Variants in CD99 observed in about 807,000 individuals in gnomAD.
CD99 encodes the protein CD99 antigen.
CD99 carries 19 observed loss-of-function variants against 28.4 expected under a neutral mutation model. That is an observed-to-expected ratio of 0.67 (90% CI 0.47 to 0.98). The LOEUF (loss-of-function observed/expected upper bound fraction) is 0.98, where lower values mean the gene tolerates loss of function less well. CD99 is among the 50% of genes least tolerant of loss of function. The pLI, the probability that CD99 is intolerant of heterozygous loss-of-function variation, is 0.00. For synonymous variants in CD99, 103 were observed against 92.1 expected, an observed-to-expected ratio of 1.12 and a Z score of -0.67; for missense variants, 283 against 248.8, an observed-to-expected ratio of 1.14 and a Z score of -0.92.
At chrX:2,740,187 G>C (rs747756625) in intron 9 of CD99, among the ~76,000 whole-genome samples, 4 of 152,252 alleles carry the variant, frequency 2.6e-5, no homozygotes, top group Admixed American at 2.6e-4. Context: ...ATATCTTAAA[G>C]AGAAAAGGAA....
At chrX:2,726,910 G>A (rs1383188638) in intron 8 of CD99, among the ~76,000 whole-genome samples, 25 of 152,118 alleles carry the variant, frequency 1.6e-4, no homozygotes, top group Non-Finnish European at 3.2e-4. Context: ...CGAGACGGGC[G>A]GATCACGAGG....
chrX:2,691,397 G>A lies in CD99; in HGVS notation c.37G>A (p.Gly13Ser), dbSNP rs1317575078. The change falls in exon 1 of 10, where the codon GGC (glycine) becomes AGC (serine). Residue 13 changes from glycine (G) to serine (S), a missense_variant. Physicochemically the swap from Gly to Ser is moderately conservative, Grantham distance 56 (BLOSUM62 0). Transcript: ENST00000381192. ...RGAALALLLF[G>S]LLGVLVAAPD... The stretch of plus-strand genomic sequence containing the variant: ...GGCTGCGCTGGCGCTGCTGCTCTTC[G>A]GCCTGCTGGGTGTTCTGGTCGCCGC... 1.9e-6 allele frequency: 3 copies of A among 1,584,264 alleles called. No individual in the cohort carries two copies. Among genetic ancestry groups the A allele is most frequent in the Admixed American group, 1.7e-5 (1 of 58,834 alleles).
Position 2,726,277 on chromosome X carries a change from A to AT in CD99, c.380dup (p.Gly129ArgfsTer16). On this transcript the variant is annotated frameshift_variant, in exon 8 of 10. Coordinates refer to ENST00000381192, the MANE Select transcript of CD99 (RefSeq NM_002414.5). LOFTEE classifies it high-confidence loss of function. ...TCCTGCAGCCGACGCCCCAGGCGTG[A>AT]TCCCCGGGATTGTGGGGGCTGTCGT... is the stretch of plus-strand genomic sequence containing the variant. 6.2e-7 allele frequency: 1 copy of AT among 1,610,892 alleles called. No individual in the cohort carries two copies. The highest frequency in any genetic ancestry group is 8.5e-7 in the Non-Finnish European group (1 of 1,178,788).
At chrX:2,739,046 A>G (rs1268959260) in intron 9 of CD99, among the ~76,000 whole-genome samples, 5 of 151,466 alleles carry the variant, frequency 3.3e-5, no homozygotes, top group Non-Finnish European at 7.4e-5. Context: ...TTTTGTAGAG[A>G]CAAGGTCTCA....
chrX:2,723,425 G>C (rs1395977257), intron 7 of CD99, 61 bp downstream of exon 7: 8 of 1,578,162 alleles, frequency 5.1e-6, no homozygotes, highest in Non-Finnish European at 7.0e-6. Context: ...AGGGGAAGCA[G>C]AATGTCTGAG....
chrX:2,704,812 G>A (rs184811247), intron 1 of CD99, among the ~76,000 whole-genome samples: 36 of 151,542 alleles, frequency 2.4e-4, no homozygotes, highest in Non-Finnish European at 4.3e-4. Flanking sequence ...CTCCACAAGC[G>A]CAGGCCATCC....
At chrX:2,695,175 A>T (rs1217892852) in intron 1 of CD99, among the ~76,000 whole-genome samples, 1 of 151,770 alleles carries the variant, frequency 6.6e-6, no homozygotes, top group Non-Finnish European at 1.5e-5. Flanking sequence ...GTAAGAAATA[A>T]GACCTGTGTG....
chrX:2,722,739 A>G lies in CD99; in HGVS notation c.310+65A>G, dbSNP rs115735910. The G allele has an allele frequency of 4.4e-3, 6,413 of 1,442,588 alleles. 226 individuals are homozygous for G. The African/African-American group carries it at 0.078, about 17-fold the overall frequency. 89.4% of individuals were successfully genotyped at this position (1,442,588 alleles called of 1,614,324 possible). A position where few individuals can be genotyped will look rare whatever the true frequency, so the allele number is the denominator to read the frequency against. On this transcript the variant is annotated intron_variant, in intron 6 of 9. Coordinates refer to ENST00000381192, the MANE Select transcript of CD99 (RefSeq NM_002414.5). ...CCCATGATGCCCACCTGCTCTGTAG[A>G]ATCACTACAGGGTCTAAACTGTCAG...
Position 2,741,006 on chromosome X carries a change from G to T in CD99, c.*202G>T. On this transcript the variant is annotated 3_prime_UTR_variant, in exon 10 of 10. Coordinates refer to ENST00000381192, the MANE Select transcript of CD99 (RefSeq NM_002414.5). ...ACGATGAATTTTACATCCAAAGGGG[G>T]ATAGGCACTTGGACCCCCATTCTCC... The T allele has an allele frequency of 1.5e-6, 1 of 647,992 alleles. No homozygotes were observed. The highest frequency in any genetic ancestry group is 2.7e-6 in the Non-Finnish European group (1 of 364,432). The allele number at this position is 647,992 out of a possible 1,614,324, so 40.1% of individuals were successfully genotyped here. A position where few individuals can be genotyped will look rare whatever the true frequency, so the allele number is the denominator to read the frequency against.
chrX:2,731,275 G>A (rs1438538880), intron 8 of CD99, among the ~76,000 whole-genome samples: 1 of 152,176 alleles, frequency 6.6e-6, no homozygotes, highest in Non-Finnish European at 1.5e-5. Flanking sequence ...AAGGATGTGA[G>A]TATAGCATGC....
chrX:2,706,717 T>TA (rs2048134113), intron 1 of CD99, among the ~76,000 whole-genome samples: 1 of 152,168 alleles, frequency 6.6e-6, no homozygotes, highest in African/African-American at 2.4e-5. Flanking sequence ...GAGCACTGCT[T>TA]AAATGATGTC....
intron 1 of CD99, among the ~76,000 whole-genome samples, chrX:2,703,162 C>T (rs1603264131): frequency 6.6e-6 from 1 of 152,154 alleles, no homozygotes; most frequent in African/African-American, 2.4e-5. Context: ...CTCGGGCCAG[C>T]GCGTACTGTC....
intron 3 of CD99, chrX:2,717,874 G>A: frequency 1.7e-6 from 1 of 577,544 alleles, no homozygotes; most frequent in Non-Finnish European, 3.1e-6. Flanking sequence ...GGGCCATTTG[G>A]ACAACATCTC....
intron 7 of CD99, 140 bp downstream of exon 7, chrX:2,723,504 G>C: frequency 1.1e-6 from 1 of 917,972 alleles, no homozygotes. Context: ...TCTGTGCCAA[G>C]TGCTCCCAAG....
At chrX:2,734,916 G>A (rs750757759) in intron 8 of CD99, among the ~76,000 whole-genome samples, 2 of 151,800 alleles carry the variant, frequency 1.3e-5, no homozygotes, top group Admixed American at 1.3e-4. Flanking sequence ...GAGCACGGAT[G>A]GTTTGATCCT....
intron 1 of CD99, among the ~76,000 whole-genome samples, chrX:2,696,584 G>A (rs2047587070): frequency 6.6e-6 from 1 of 151,992 alleles, no homozygotes; most frequent in Non-Finnish European, 1.5e-5. Flanking sequence ...TATTTTTTTA[G>A]TAGAGGTGGA....
Position 2,691,400 on chromosome X carries a change from C to G in CD99, c.40C>G (p.Leu14Val). The change falls in exon 1 of 10, where the codon CTG becomes GTG. Residue 14 changes from leucine (L) to valine (V), a missense_variant. Transcript: ENST00000381192. The stretch of plus-strand genomic sequence containing the variant: ...TGCGCTGGCGCTGCTGCTCTTCGGC[C>G]TGCTGGGTGTTCTGGTCGCCGCCCC... ...GAALALLLFGLLGVLVAAPDG... is the reference protein window; with the variant it reads ...GAALALLLFGVLGVLVAAPDG... 2.5e-6 allele frequency: 4 copies of G among 1,585,222 alleles called. No homozygotes were observed. Among genetic ancestry groups the G allele is most frequent in the East Asian group, 2.3e-5 (1 of 43,946 alleles).
chrX:2,727,580 G>A (rs1170132806), intron 8 of CD99, among the ~76,000 whole-genome samples: 3 of 152,152 alleles, frequency 2.0e-5, no homozygotes, highest in East Asian at 1.9e-4. Context: ...AGGTTCAAGT[G>A]ATTCTCCTGC....
At chrX:2,730,376 G>T (rs2049536085) in intron 8 of CD99, among the ~76,000 whole-genome samples, 1 of 151,896 alleles carries the variant, frequency 6.6e-6, no homozygotes, top group Admixed American at 6.6e-5. Flanking sequence ...GTTTTGCCGT[G>T]TTAGCCAGGA....
Sources: allele counts gnomAD v4.1 joint callset (sites outside exome capture counted in the v4.1 genomes callset), GRCh38; gene constraint gnomAD v4.1.1; transcripts MANE v1.5; gene names NCBI Gene and HGNC (gene_info 2026-07-23, HGNC 2026-07-21).